Variants in ADCYAP1R1 observed in about 807,000 individuals in gnomAD.
The protein encoded by ADCYAP1R1 is ADCYAP receptor type I.
A neutral mutation model predicts 67.6 loss-of-function variants in ADCYAP1R1; 44 were observed. The ratio of observed to expected loss-of-function variants is 0.65; its 90% CI spans 0.51 to 0.84. The LOEUF (loss-of-function observed/expected upper bound fraction) is 0.84. ADCYAP1R1 is among the 40% of genes least tolerant of loss of function. The pLI is 0.00. For synonymous variants in ADCYAP1R1, 222 were observed against 219.6 expected (o/e 1.01, Z -0.10); for missense variants, 477 against 587.9 (o/e 0.81, Z 1.95).
Position 31,086,356 on chromosome 7 carries a change from C to G in ADCYAP1R1, c.670-28C>G, listed in dbSNP as rs890470937. 1.9e-6 allele frequency: 3 copies of G among 1,610,588 alleles called. No homozygotes were observed. The highest frequency in any genetic ancestry group is 2.2e-5 in the East Asian group (1 of 44,878). ...TGCTCCTGTTCCTGTTGGGCTCACG[C>G]CCCTCACCCTGGCGCTTCTCCCTGC... is the stretch of plus-strand genomic sequence containing the variant. On this transcript the variant is annotated intron_variant, in intron 9 of 15. Transcript: ENST00000304166. The surrounding 1 kb of genome is among the most constrained non-coding windows in gnomAD (Gnocchi z 5.0).
rs935102817 is a variant in ADCYAP1R1, at chr7:31,086,021, G to A, written c.670-363G>A. ...ATATGTATCCCCCCACCTGAAAGGT[G>A]TCCAAATCCTCATTATACCAAGGAG... On this transcript the variant is annotated intron_variant, in intron 9 of 15. Transcript: ENST00000304166. The surrounding 1 kb of genome is among the most constrained non-coding windows in gnomAD (Gnocchi z 5.0). Among the ~76,000 whole-genome samples, 9 of 152,194 alleles carry A rather than the reference G, an allele frequency of 5.9e-5. No individual in the cohort carries two copies. Among genetic ancestry groups the A allele is most frequent in the African/African-American group, 1.9e-4 (8 of 41,446 alleles).
chr7:31,082,516 A>G lies in ADCYAP1R1; in HGVS notation c.328+762A>G, dbSNP rs78921122. Among the ~76,000 whole-genome samples, 988 of 152,370 alleles carry G rather than the reference A, an allele frequency of 6.5e-3. 11 individuals carry two copies. Among genetic ancestry groups the G allele is most frequent in the African/African-American group, 0.023 (955 of 41,584 alleles). On this transcript the variant is annotated intron_variant, in intron 6 of 15. Transcript: ENST00000304166. ...CTGTTTTCAAAAAAATTGTTTTTCA[A>G]AGCAGCTTCCCTTTCCTCTTCCCAC...
At chr7:31,101,124 C>T (rs540507717) in intron 13 of ADCYAP1R1, among the ~76,000 whole-genome samples, 12 of 152,326 alleles carry the variant, frequency 7.9e-5, no homozygotes, top group East Asian at 5.8e-4. Flanking sequence ...AAGTGGCCAC[C>T]GGGATGCCCT....
intron 13 of ADCYAP1R1, among the ~76,000 whole-genome samples, chr7:31,094,329 AG>A (rs1206531292): frequency 6.6e-6 from 1 of 152,098 alleles, no homozygotes; most frequent in Non-Finnish European, 1.5e-5. Flanking sequence ...CTTCATCTCA[AG>A]GATTCACAAA....
chr7:31,078,155 G>A (rs1363904670), intron 4 of ADCYAP1R1, 57 bp downstream of exon 4: 2 of 1,452,786 alleles, frequency 1.4e-6, no homozygotes, highest in South Asian at 2.6e-5. Flanking sequence ...CCCAAATTCG[G>A]CCCCAGGCAA....
rs1196446614 is a variant in ADCYAP1R1 at position 31,102,387 on chromosome 7, T to G, written c.1047-850T>G. 6.6e-6 allele frequency among the ~76,000 whole-genome samples: 1 copy of G among 152,108 alleles called. No homozygotes were observed. The highest frequency in any genetic ancestry group is 1.5e-5 in the Non-Finnish European group (1 of 67,998). On this transcript the variant is annotated intron_variant, in intron 13 of 15. Transcript: ENST00000304166. This position sits in a 1 kb window ranked among gnomAD's most constrained non-coding sequence, Gnocchi z 4.3. ...CACTCTGGGTGAATGCTTGTGAGTG[T>G]CCCCTATAGAGCAGGACCCACAAGT...
At chr7:31,096,182 C>T (rs772234510) in intron 13 of ADCYAP1R1, among the ~76,000 whole-genome samples, 6 of 152,100 alleles carry the variant, frequency 3.9e-5, no homozygotes, top group South Asian at 2.1e-4. Context: ...TGAAGTGAGC[C>T]GGCTTCATTC....
chr7:31,087,795 T>G, intron 12 of ADCYAP1R1, 99 bp downstream of exon 12: 9 of 873,036 alleles, frequency 1.0e-5, no homozygotes, highest in Non-Finnish European at 1.5e-5. Context: ...CAACCTGACT[T>G]CCTCCTCTGT....
At chr7:31,087,746 G>A in intron 12 of ADCYAP1R1, 50 bp downstream of exon 12, 2 of 1,481,818 alleles carry the variant, frequency 1.3e-6, no homozygotes, top group Middle Eastern at 3.5e-4. Context: ...GTCTTGGGCA[G>A]AAAGGCACGC....
Position 31,086,634 on chromosome 7 carries a change from A to C in ADCYAP1R1, c.823+97A>C. ...CATCTTCAGGAAGTGTCAGGTGAGG[A>C]GGGGCCACTGCCCTGCCCGAGTCTA... On this transcript the variant is annotated intron_variant, in intron 10 of 15. Transcript: ENST00000304166. The surrounding 1 kb of genome is among the most constrained non-coding windows in gnomAD (Gnocchi z 5.0). 2 of 1,442,600 alleles carry C rather than the reference A, an allele frequency of 1.4e-6. No individual in the cohort carries two copies. The highest frequency in any genetic ancestry group is 1.9e-6 in the Non-Finnish European group (2 of 1,046,080). The allele number at this position is 1,442,600 out of a possible 1,614,324, so 89.4% of individuals were successfully genotyped here.
At position 31,084,263 on chromosome 7, in the gene ADCYAP1R1, A is replaced by G. The variant is rs747960033; in HGVS notation, c.438+13A>G. 1.9e-6 allele frequency: 3 copies of G among 1,607,826 alleles called. No individual in the cohort carries two copies. The highest frequency in any genetic ancestry group is 2.6e-6 in the Non-Finnish European group (3 of 1,174,558). The stretch of plus-strand genomic sequence containing the variant: ...GACTGGGGACCAGGTGAGTGTCTGC[A>G]CCCTGCTCCCCAGAGGTGGTGAGGG... On this transcript the variant is annotated intron_variant, in intron 7 of 15. Transcript: ENST00000304166.
chr7:31,087,608 C>G lies in ADCYAP1R1; in HGVS notation c.885-19C>G, dbSNP rs372022933. ...CCGACTCACAGACGTGATCTTGCTT[C>G]TCTCTGTCCATCTTTCAGCTGCTGG... is the stretch of plus-strand genomic sequence containing the variant. On this transcript the variant is annotated intron_variant, in intron 11 of 15. Coordinates refer to ENST00000304166, the MANE Select transcript of ADCYAP1R1 (RefSeq NM_001118.5). 1.4e-4 allele frequency: 227 copies of G among 1,613,302 alleles called. No individual in the cohort carries two copies. Among genetic ancestry groups the G allele is most frequent in the Non-Finnish European group, 1.9e-4 (220 of 1,179,362 alleles).
intron 1 of ADCYAP1R1, among the ~76,000 whole-genome samples, chr7:31,053,521 C>T (rs1295824926): frequency 1.3e-5 from 2 of 152,202 alleles, no homozygotes; most frequent in African/African-American, 4.8e-5. Context: ...TGCAACTAGA[C>T]CCTCAGGAGG....
At chr7:31,103,191 G>A (rs752935580) in intron 13 of ADCYAP1R1, 46 bp from the exon 14 acceptor site, 28 of 1,601,348 alleles carry the variant, frequency 1.7e-5, no homozygotes, top group Middle Eastern at 3.3e-4. Flanking sequence ...CTCTGGCCCC[G>A]AGCCCTGGAA....
In ADCYAP1R1 at chr7:31,106,651, G is replaced by A; in HGVS notation, c.1374G>A (p.Met458Ile). The change falls in exon 16 of 16, where the codon ATG becomes ATA. Residue 458 changes from methionine to isoleucine, a missense_variant. By Grantham distance (10) the Met-to-Ile change is conservative. Transcript: ENST00000304166. ...GCAAGAGCAGCTCCCAAATCCGCAT[G>A]TCTGGCCTCCCTGCTGACAATCTGG... ...ILSKSSSQIR[M>I]SGLPADNLAT The A allele has an allele frequency of 6.2e-7, 1 of 1,612,004 alleles. No individual in the cohort carries two copies. The highest frequency in any genetic ancestry group is 8.5e-7 in the Non-Finnish European group (1 of 1,178,974).
chr7:31,078,042 G>C lies in ADCYAP1R1; in HGVS notation c.209G>C (p.Gly70Ala), dbSNP rs1795350767. 1.2e-6 allele frequency: 2 copies of C among 1,613,402 alleles called. No individual in the cohort carries two copies. Among genetic ancestry groups the C allele is most frequent in the Non-Finnish European group, 1.7e-6 (2 of 1,179,572 alleles). The change falls in exon 4 of 16, where the codon GGT (glycine) becomes GCT (alanine). Residue 70 changes from glycine to alanine, a missense_variant. Transcript: ENST00000304166. The part of the protein sequence containing the change: ...NITCWKPAHV[G>A]EMVLVSCPEL... ...ACGTGTTGGAAGCCCGCCCATGTGGGTGAGATGGTCCTGGTCAGCTGCCCT... is the reference window on the plus strand; with the variant it reads ...ACGTGTTGGAAGCCCGCCCATGTGGCTGAGATGGTCCTGGTCAGCTGCCCT...
At position 31,081,772 on chromosome 7, in the gene ADCYAP1R1, G is replaced by A; in HGVS notation, c.328+18G>A. 1 of 1,590,568 alleles carries A rather than the reference G, an allele frequency of 6.3e-7. No homozygotes were observed. The highest frequency in any genetic ancestry group is 8.6e-7 in the Non-Finnish European group (1 of 1,168,308). On this transcript the variant is annotated intron_variant, in intron 6 of 15. Transcript: ENST00000304166. The stretch of plus-strand genomic sequence containing the variant: ...TCTCTCAGGTAAGGGGTTAGGCTGG[G>A]GTTGACCATGGACTGGCTGGAGGGA...
intron 13 of ADCYAP1R1, among the ~76,000 whole-genome samples, chr7:31,097,797 G>T (rs1796260509): frequency 6.8e-6 from 1 of 147,032 alleles, no homozygotes. Context: ...TGGCATGTAG[G>T]AGGCAACAGA....
At chr7:31,084,703 C>T (rs1795663359) in intron 7 of ADCYAP1R1, 34 bp from the exon 8 acceptor site, 3 of 1,567,792 alleles carry the variant, frequency 1.9e-6, no homozygotes, top group Non-Finnish European at 2.6e-6. Flanking sequence ...GCAGGTCTCA[C>T]ATGAAGTCCT....
Sources: gnomAD v4.1 joint callset for allele counts (sites outside exome capture counted in the v4.1 genomes callset) on GRCh38, gnomAD v4.1.1 for gene constraint, Gnocchi (gnomAD v3.1) non-coding constraint, MANE v1.5 for transcripts, NCBI Gene and HGNC (gene_info 2026-07-23, HGNC 2026-07-21) for gene names.